DCAF8L2: variants seen among roughly 807,000 people sequenced by gnomAD.
The protein encoded by DCAF8L2 is DDB1 and CUL4 associated factor 8 like 2.
For missense variants in DCAF8L2, 430 were observed against 490.7 expected (o/e 0.88, Z 1.17); for synonymous variants, 200 against 190.9 (o/e 1.05, Z -0.39).
intron 2 of DCAF8L2, among the ~76,000 whole-genome samples, chrX:27,641,404 T>C (rs1319365722): frequency 9.0e-6 from 1 of 111,429 alleles, no homozygotes; most frequent in Admixed American, 9.6e-5. Flanking sequence ...GTCTTCTTAT[T>C]TGAACTGTTC....
chrX:27,613,228 C>A (rs909764778), intron 1 of DCAF8L2, among the ~76,000 whole-genome samples: 8 of 111,255 alleles, frequency 7.2e-5, no homozygotes, highest in African/African-American at 2.3e-4. Flanking sequence ...AATGGGAGTT[C>A]ACTCATGATT....
the DCAF8L2 span, among the ~76,000 whole-genome samples, chrX:27,542,780 G>A: frequency 9.1e-6 from 1 of 109,320 alleles, no homozygotes; most frequent in Non-Finnish European, 1.9e-5. Context: ...CTGACCTCGG[G>A]ATCCGCCCGC....
intron 3 of DCAF8L2, among the ~76,000 whole-genome samples, chrX:27,704,179 T>TATATATATATATATATATACACAC (rs756313953): frequency 1.2e-5 from 1 of 85,547 alleles, no homozygotes; most frequent in African/African-American, 4.8e-5. Flanking sequence ...TATATACATA[T>TATATATATATATATATATACACAC]ACACACACAC....
chrX:27,621,674 C>T lies in DCAF8L2; in HGVS notation c.-341-10205C>T, dbSNP rs569802599. Among the ~76,000 whole-genome samples, 42 of 111,317 alleles carry T rather than the reference C, an allele frequency of 3.8e-4. 1 individual carries two copies. The South Asian group carries it at 0.014, about 37-fold the overall frequency. ...GCGTGTATAAGATACCAGGTGTAGGCTAGGATGTGTGCAATAGGAGTTCTA... is the reference window on the plus strand; with the variant it reads ...GCGTGTATAAGATACCAGGTGTAGGTTAGGATGTGTGCAATAGGAGTTCTA... On this transcript the variant is annotated intron_variant, in intron 1 of 4. Transcript: ENST00000451261.
intron 4 of DCAF8L2, among the ~76,000 whole-genome samples, chrX:27,742,031 G>A (rs1239814664): frequency 9.0e-6 from 1 of 111,654 alleles, no homozygotes; most frequent in Non-Finnish European, 1.9e-5. Context: ...ATAGATCTTC[G>A]TTATTTTAAT....
intron 4 of DCAF8L2, among the ~76,000 whole-genome samples, chrX:27,725,540 A>C (rs1240011392): frequency 9.1e-6 from 1 of 110,450 alleles, no homozygotes; most frequent in Non-Finnish European, 1.9e-5. Context: ...TAATATATTT[A>C]TATTTTAAGT....
the DCAF8L2 span, among the ~76,000 whole-genome samples, chrX:27,550,436 A>G: frequency 2.7e-4 from 30 of 110,767 alleles, no homozygotes; most frequent in Admixed American, 1.4e-3. Context: ...GCATCAAGCA[A>G]TCATCTCACC....
the DCAF8L2 span, among the ~76,000 whole-genome samples, chrX:27,484,710 A>G: frequency 9.0e-6 from 1 of 111,591 alleles, no homozygotes; most frequent in African/African-American, 3.2e-5. Flanking sequence ...AAATATTTCT[A>G]TATTAGGCAC....
the DCAF8L2 span, among the ~76,000 whole-genome samples, chrX:27,509,074 T>C: frequency 9.0e-6 from 1 of 111,655 alleles, no homozygotes; most frequent in African/African-American, 3.3e-5. Context: ...ACTGTGTCAA[T>C]AGAACAATAG....
At chrX:27,512,340 T>C in the DCAF8L2 span, among the ~76,000 whole-genome samples, 17 of 110,505 alleles carry the variant, frequency 1.5e-4, no homozygotes, top group African/African-American at 5.3e-4. Flanking sequence ...TTGGAAGAAT[T>C]AATATTATTA....
At chrX:27,612,965 G>GT (rs1404375732) in intron 1 of DCAF8L2, among the ~76,000 whole-genome samples, 1 of 111,585 alleles carries the variant, frequency 9.0e-6, no homozygotes, top group Non-Finnish European at 1.9e-5. Flanking sequence ...CTTTAAAGTA[G>GT]TTTTTTTCCA....
chrX:27,569,709 C>T, the DCAF8L2 span, among the ~76,000 whole-genome samples: 39 of 111,408 alleles, frequency 3.5e-4, no homozygotes, highest in African/African-American at 9.8e-4. Flanking sequence ...ATTAAAGATA[C>T]CTGACTTAAA....
the DCAF8L2 span, among the ~76,000 whole-genome samples, chrX:27,542,736 G>T: frequency 4.7e-5 from 5 of 107,478 alleles, no homozygotes; most frequent in Non-Finnish European, 7.7e-5. Flanking sequence ...TAGAGACGGG[G>T]TTTCACCGTT....
chrX:27,547,432 C>T, the DCAF8L2 span, among the ~76,000 whole-genome samples: 24 of 111,899 alleles, frequency 2.1e-4, no homozygotes, highest in Non-Finnish European at 3.0e-4. Context: ...CTGTATTAGT[C>T]CATTTTCACA....
Position 27,715,817 on chromosome X carries a change from A to C in DCAF8L2, c.-142-271A>C, listed in dbSNP as rs185272824. ...CCTCAATAACTTTAACTACAAGTAC[A>C]TAAGACTTTCAGAGATGACTAATGC... On this transcript the variant is annotated intron_variant, in intron 3 of 4. Transcript: ENST00000451261. Among the ~76,000 whole-genome samples, 69 of 112,147 alleles carry C rather than the reference A, an allele frequency of 6.2e-4. 1 individual carries two copies. Among genetic ancestry groups the C allele is most frequent in the African/African-American group, 2.1e-3 (66 of 30,917 alleles).
chrX:27,746,380 C>T (rs1422510138), intron 4 of DCAF8L2, among the ~76,000 whole-genome samples: 5 of 112,085 alleles, frequency 4.5e-5, no homozygotes, highest in Non-Finnish European at 9.4e-5. Flanking sequence ...TAAGATATTT[C>T]TTGTATGTCA....
At chrX:27,659,181 A>G (rs1014058203) in intron 2 of DCAF8L2, among the ~76,000 whole-genome samples, 2 of 111,859 alleles carry the variant, frequency 1.8e-5, no homozygotes, top group Non-Finnish European at 3.8e-5. Context: ...ACTGAACCCT[A>G]TGTTGTTACC....
At chrX:27,618,952 G>C (rs9306773) in intron 1 of DCAF8L2, among the ~76,000 whole-genome samples, 47,329 of 108,342 alleles carry the variant, frequency 0.44, 8,773 homozygotes, top group African/African-American at 0.69. Flanking sequence ...TAATTAAGCC[G>C]ATCTCTTCTG....
intron 4 of DCAF8L2, among the ~76,000 whole-genome samples, chrX:27,733,353 C>T (rs1921334492): frequency 9.0e-6 from 1 of 111,556 alleles, no homozygotes; most frequent in South Asian, 3.7e-4. Context: ...ATATTCATGT[C>T]CTTTGGCCAT....
Sources: gnomAD v4.1 joint callset for allele counts (sites outside exome capture counted in the v4.1 genomes callset) on GRCh38, gnomAD v4.1.1 for gene constraint, MANE v1.5 for transcripts, NCBI Gene and HGNC (gene_info 2026-07-23, HGNC 2026-07-21) for gene names.